Variants in ACACA observed in about 807,000 individuals in gnomAD.
ACACA encodes the protein acetyl-CoA carboxylase 1.
ACACA carries 103 observed loss-of-function variants against 296.1 expected under a neutral mutation model. That is an observed-to-expected ratio of 0.35 (90% CI 0.30 to 0.41). The LOEUF (loss-of-function observed/expected upper bound fraction) is 0.41. ACACA is among the 10% of genes least tolerant of loss of function. The pLI, the probability that ACACA is intolerant of heterozygous loss-of-function variation, is 1.00. For missense variants in ACACA, 1,554 were observed against 2,989.7 expected, an observed-to-expected ratio of 0.52 and a Z score of 11.20; for synonymous variants, 953 against 1,038.6, an observed-to-expected ratio of 0.92 and a Z score of 1.58.
Position 37,234,058 on chromosome 17 carries a change from A to G in ACACA, c.3246+917T>C, listed in dbSNP as rs970364210. ...CCTTCATTCTGAAGAAATAAAAAAT[A>G]GCATGAAGATGTATGTTTTTTTCCT... On this transcript the variant is annotated intron_variant, in intron 25 of 55. Coordinates refer to ENST00000616317, the MANE Select transcript of ACACA (RefSeq NM_198834.3). Among the ~76,000 whole-genome samples the G allele has an allele frequency of 4.6e-5, 7 of 152,264 alleles. No individual in the cohort carries two copies. The East Asian group carries it at 1.3e-3, about 29-fold the overall frequency.
chr17:37,279,521 C>T (rs2082413695), intron 5 of ACACA, among the ~76,000 whole-genome samples: 2 of 151,958 alleles, frequency 1.3e-5, no homozygotes, highest in East Asian at 3.9e-4. Context: ...GTAGTCCCAC[C>T]ACAGACAGAG....
intron 45 of ACACA, among the ~76,000 whole-genome samples, chr17:37,146,853 C>G (rs1009743623): frequency 6.6e-6 from 1 of 150,584 alleles, no homozygotes; most frequent in Admixed American, 6.6e-5. Flanking sequence ...CCCCAACCCC[C>G]CTTCCTGCAA....
intron 39 of ACACA, among the ~76,000 whole-genome samples, chr17:37,185,450 CTTG>C (rs2077495813): frequency 7.4e-6 from 1 of 134,480 alleles, no homozygotes; most frequent in African/African-American, 3.0e-5. Context: ...AGGGTCTTGC[CTTG>C]TTGAGCTGGC....
chr17:37,119,589 A>AACACAC (rs71368443), intron 50 of ACACA, among the ~76,000 whole-genome samples: 1,899 of 128,398 alleles, frequency 0.015, 22 homozygotes, highest in Middle Eastern at 0.027. Flanking sequence ...TTTTCAACCA[A>AACACAC]ACACACACAC....
chr17:37,149,749 A>AGACTGAG (rs2075961251), intron 45 of ACACA, 115 bp downstream of exon 45: 10 of 883,326 alleles, frequency 1.1e-5, no homozygotes, highest in Non-Finnish European at 1.7e-5. Flanking sequence ...GGGAAGAGAT[A>AGACTGAG]GACTGAGGAA....
intron 16 of ACACA, 104 bp downstream of exon 16, chr17:37,251,901 T>C (rs2146104157): frequency 9.1e-7 from 1 of 1,093,110 alleles, no homozygotes; most frequent in Non-Finnish European, 1.4e-6. Flanking sequence ...GTAGCACTCA[T>C]AAGCTGCCAG....
In ACACA at chr17:37,285,367, C is replaced by T. The variant is rs367916875; in HGVS notation, c.339-397G>A. On this transcript the variant is annotated intron_variant, in intron 3 of 55. Coordinates refer to ENST00000616317, the MANE Select transcript of ACACA (RefSeq NM_198834.3). ...CTTCTATCTTTCTTCTGAGCTATAA[C>T]TCCACATTTTAAAACTGCCTACTAA... is the stretch of plus-strand genomic sequence containing the variant. Among the ~76,000 whole-genome samples the T allele has an allele frequency of 1.4e-3, 210 of 152,284 alleles. 1 individual carries two copies. The highest frequency in any genetic ancestry group is 4.8e-3 in the African/African-American group (201 of 41,562).
intron 42 of ACACA, 169 bp downstream of exon 42, chr17:37,161,612 T>C: frequency 2.6e-6 from 2 of 756,162 alleles, no homozygotes. Flanking sequence ...GAGAAATAAT[T>C]TGTCTTTAAT....
rs1035338521 is a variant in ACACA at position 37,406,637 on chromosome 17, A to T, written c.-338T>A. The T allele has an allele frequency of 7.9e-6, 4 of 504,866 alleles. No homozygotes were observed. The highest frequency in any genetic ancestry group is 6.6e-5 in the Admixed American group (2 of 30,300). The allele number at this position is 504,866 out of a possible 1,614,324, so 31.3% of individuals were successfully genotyped here. On this transcript the variant is annotated 5_prime_UTR_variant, in exon 1 of 56. Coordinates refer to ENST00000616317, the MANE Select transcript of ACACA (RefSeq NM_198834.3). ...ACAGCCCCACGCGCCAGGAAGCCTC[A>T]GGCAACGGGCCACGCGCCACACGGG...
intron 1 of ACACA, chr17:37,360,490 C>T (rs1490316047): frequency 6.6e-6 from 1 of 152,058 alleles, no homozygotes; most frequent in East Asian, 1.9e-4. Context: ...AATTTATCAA[C>T]CCATTTTTAA....
intron 1 of ACACA, among the ~76,000 whole-genome samples, chr17:37,363,621 C>G (rs2049498073): frequency 6.6e-6 from 1 of 152,168 alleles, no homozygotes; most frequent in African/African-American, 2.4e-5. Flanking sequence ...ACCTGTCACT[C>G]TTAGGACAAG....
chr17:37,199,219 G>A (rs1359808508), intron 35 of ACACA, among the ~76,000 whole-genome samples: 8 of 143,674 alleles, frequency 5.6e-5, no homozygotes, highest in African/African-American at 1.3e-4. Flanking sequence ...CAGCCTGGGC[G>A]ACTAAGCAAG....
chr17:37,377,942 G>A, intron 1 of ACACA: 1 of 1,613,678 alleles, frequency 6.2e-7, no homozygotes, highest in South Asian at 1.1e-5. Flanking sequence ...GACGTGAGAA[G>A]CATCAGAGAA....
chr17:37,094,583 C>CG (rs1491585956), intron 54 of ACACA, among the ~76,000 whole-genome samples: 1 of 142,068 alleles, frequency 7.0e-6, no homozygotes, highest in East Asian at 2.2e-4. Context: ...CCCCCCCCCC[C>CG]CCACACCAAA....
Position 37,371,671 on chromosome 17 carries a change from G to A in ACACA, c.39-31821C>T, listed in dbSNP as rs376549789. ...TCCCAGCACTTTGGGAGGCTGAGGCGGGTGGACCACTTGAGGTCAGGAGTT... is the reference window on the plus strand; with the variant it reads ...TCCCAGCACTTTGGGAGGCTGAGGCAGGTGGACCACTTGAGGTCAGGAGTT... On this transcript the variant is annotated intron_variant, in intron 1 of 55. Coordinates refer to ENST00000616317, the MANE Select transcript of ACACA (RefSeq NM_198834.3). Among the ~76,000 whole-genome samples the A allele has an allele frequency of 1.9e-4, 28 of 150,816 alleles. No individual in the cohort carries two copies. In the East Asian group the frequency reaches 4.0e-3, roughly 21 times the overall value.
At chr17:37,174,164 A>G (rs1293891554) in intron 41 of ACACA, among the ~76,000 whole-genome samples, 2 of 148,510 alleles carry the variant, frequency 1.3e-5, no homozygotes, top group Admixed American at 6.7e-5. Context: ...CCTGGCTGTC[A>G]GCTAGTCTTT....
At chr17:37,104,185 A>G (rs2073534032) in intron 52 of ACACA, among the ~76,000 whole-genome samples, 1 of 152,248 alleles carries the variant, frequency 6.6e-6, no homozygotes, top group Non-Finnish European at 1.5e-5. Context: ...GTTGGGCCAC[A>G]TGTGGCCTGC....
chr17:37,269,385 C>T (rs1338292623), intron 10 of ACACA, among the ~76,000 whole-genome samples: 2 of 152,294 alleles, frequency 1.3e-5, no homozygotes, highest in East Asian at 3.9e-4. Context: ...GTCAAAATTG[C>T]ATTTAATATA....
chr17:37,400,905 T>C (rs1372664404), intron 1 of ACACA, among the ~76,000 whole-genome samples: 1 of 152,224 alleles, frequency 6.6e-6, no homozygotes, highest in African/African-American at 2.4e-5. Flanking sequence ...TTTGGATATA[T>C]ACCCAGAAGT....
Sources: allele counts gnomAD v4.1 joint callset (sites outside exome capture counted in the v4.1 genomes callset), GRCh38; gene constraint gnomAD v4.1.1; transcripts MANE v1.5; gene names NCBI Gene and HGNC (gene_info 2026-07-23, HGNC 2026-07-21).